Variants in BMS1 observed in about 807,000 individuals in gnomAD.
BMS1 encodes BMS1 ribosome biogenesis factor, also known as ribosome biogenesis protein BMS1 homolog.
A neutral mutation model predicts 138.7 loss-of-function variants in BMS1; 53 were observed. The ratio of observed to expected loss-of-function variants is 0.38; its 90% CI spans 0.31 to 0.48. BMS1 has a LOEUF of 0.48. Among genes scored for constraint, BMS1 ranks in the 20% least tolerant of loss-of-function variants. The pLI is 0.97. For synonymous variants in BMS1, 504 were observed against 539.9 expected, an observed-to-expected ratio of 0.93 and a Z score of 0.92; for missense variants, 1,360 against 1,565.5, an observed-to-expected ratio of 0.87 and a Z score of 2.22.
Position 42,823,050 on chromosome 10 carries a change from G to A in BMS1, c.3133-68G>A, listed in dbSNP as rs140824263. The A allele has an allele frequency of 3.0e-4, 403 of 1,321,742 alleles. 1 individual carries two copies. In the African/African-American group the frequency reaches 5.8e-3, roughly 19 times the overall value. 81.9% of individuals were successfully genotyped at this position (1,321,742 alleles called of 1,614,324 possible). On this transcript the variant is annotated intron_variant, in intron 19 of 22. Coordinates refer to ENST00000374518, the MANE Select transcript of BMS1 (RefSeq NM_014753.4). ...GTTCTTTAATCAAGGATGTATGTTT[G>A]AAGTAAGAAGTAAAGCATAAAGTAT...
intron 3 of BMS1, among the ~76,000 whole-genome samples, chr10:42,786,136 G>T (rs1251815025): frequency 6.6e-6 from 1 of 152,186 alleles, no homozygotes; most frequent in African/African-American, 2.4e-5. Context: ...CCTTGGAAGG[G>T]CCTAGCAGGC....
At chr10:42,808,425 A>T (rs1356652655) in intron 13 of BMS1, among the ~76,000 whole-genome samples, 1 of 151,608 alleles carries the variant, frequency 6.6e-6, no homozygotes, top group East Asian at 1.9e-4. Flanking sequence ...CAGCCTCCCG[A>T]GTAGCTGGGA....
At chr10:42,807,200 C>T (rs1842038167) in intron 13 of BMS1, among the ~76,000 whole-genome samples, 1 of 152,190 alleles carries the variant, frequency 6.6e-6, no homozygotes. Flanking sequence ...CTGCTGTTCC[C>T]CAGCCCCCAG....
intron 13 of BMS1, among the ~76,000 whole-genome samples, chr10:42,806,607 C>T (rs1452612958): frequency 2.0e-5 from 3 of 151,986 alleles, no homozygotes; most frequent in Non-Finnish European, 2.9e-5. Flanking sequence ...TGGTGGCACA[C>T]GCCCGTAATC....
chr10:42,801,009 C>T (rs1252196319), intron 12 of BMS1, among the ~76,000 whole-genome samples: 1 of 152,208 alleles, frequency 6.6e-6, no homozygotes, highest in Admixed American at 6.5e-5. Context: ...ACACCAGCTC[C>T]TGAGTCCTTA....
chr10:42,802,233 G>C lies in BMS1; in HGVS notation c.2329+15G>C, dbSNP rs367562413. The C allele has an allele frequency of 3.7e-5, 59 of 1,608,028 alleles. No individual in the cohort carries two copies. Among genetic ancestry groups the C allele is most frequent in the African/African-American group, 5.4e-5 (4 of 74,692 alleles). On this transcript the variant is annotated intron_variant, in intron 13 of 22. Transcript: ENST00000374518. ...AGCAGAAGATGGTAAGTAAAGAGCT[G>C]GGTTCTTCAGGAAGACTGGCTTCTC...
chr10:42,819,546 G>C (rs966631898), intron 15 of BMS1, among the ~76,000 whole-genome samples: 14 of 152,200 alleles, frequency 9.2e-5, no homozygotes, highest in Admixed American at 3.9e-4. Flanking sequence ...GTTTTGGAGT[G>C]AATCAGGAAA....
At chr10:42,829,232 A>C (rs1842736985) in intron 21 of BMS1, among the ~76,000 whole-genome samples, 1 of 152,126 alleles carries the variant, frequency 6.6e-6, no homozygotes, top group Non-Finnish European at 1.5e-5. Flanking sequence ...GAATGGCGTG[A>C]ACCCAGGGGC....
chr10:42,817,212 C>T (rs945664655), intron 14 of BMS1, 106 bp from the exon 15 acceptor site: 4 of 900,062 alleles, frequency 4.4e-6, no homozygotes, highest in South Asian at 1.7e-5. Context: ...ATAATGATAA[C>T]AGATTTTTGC....
At chr10:42,811,329 C>T (rs1219317954) in intron 13 of BMS1, among the ~76,000 whole-genome samples, 1 of 151,846 alleles carries the variant, frequency 6.6e-6, no homozygotes, top group African/African-American at 2.4e-5. Context: ...AGGCATGAGC[C>T]ACCACATCCG....
At chr10:42,787,328 G>A (rs763067853) in intron 4 of BMS1, 81 bp downstream of exon 4, 5 of 1,000,302 alleles carry the variant, frequency 5.0e-6, no homozygotes, top group Non-Finnish European at 7.8e-6. Flanking sequence ...ATGAAGGGAA[G>A]AGAGTCTTAT....
intron 21 of BMS1, among the ~76,000 whole-genome samples, chr10:42,829,083 A>G (rs1044313185): frequency 1.3e-5 from 2 of 152,204 alleles, no homozygotes; most frequent in Admixed American, 6.5e-5. Context: ...GCCTAGGGCA[A>G]AACTTTCAAT....
intron 11 of BMS1, among the ~76,000 whole-genome samples, chr10:42,797,727 C>T (rs1841734435): frequency 6.6e-6 from 1 of 152,178 alleles, no homozygotes; most frequent in Non-Finnish European, 1.5e-5. Context: ...TGCTGTAAAA[C>T]TTGATGCAAA....
intron 4 of BMS1, among the ~76,000 whole-genome samples, chr10:42,789,816 C>T (rs1841447253): frequency 6.6e-6 from 1 of 152,060 alleles, no homozygotes; most frequent in Non-Finnish European, 1.5e-5. Context: ...TCTTTGGATG[C>T]CAGAGACCTG....
chr10:42,795,141 A>ACC (rs1841638529), intron 9 of BMS1, among the ~76,000 whole-genome samples: 1 of 149,972 alleles, frequency 6.7e-6, no homozygotes, highest in Non-Finnish European at 1.5e-5. Context: ...TATGTGCCAC[A>ACC]TTTTCTTAAT....
At chr10:42,787,486 G>T (rs1467010805) in intron 4 of BMS1, among the ~76,000 whole-genome samples, 1 of 152,156 alleles carries the variant, frequency 6.6e-6, no homozygotes, top group African/African-American at 2.4e-5. Flanking sequence ...CAAATCACAG[G>T]ATGGAGAAAA....
chr10:42,791,282 T>C (rs1303241043), intron 5 of BMS1, among the ~76,000 whole-genome samples: 3 of 152,226 alleles, frequency 2.0e-5, no homozygotes, highest in Non-Finnish European at 4.4e-5. Context: ...CAGGACTTAA[T>C]AGAGTACCTC....
intron 13 of BMS1, among the ~76,000 whole-genome samples, chr10:42,815,869 G>C (rs1364066697): frequency 2.0e-5 from 3 of 152,192 alleles, no homozygotes; most frequent in African/African-American, 7.2e-5. Flanking sequence ...ATTTCCCCTA[G>C]GTGTGTTACA....
chr10:42,820,072 G>C (rs1232337152), intron 15 of BMS1, 164 bp from the exon 16 acceptor site: 1 of 423,482 alleles, frequency 2.4e-6, no homozygotes, highest in African/African-American at 2.2e-5. Flanking sequence ...GATTACAGGC[G>C]TGAGCCACTG....
Sources: gnomAD v4.1 joint callset for allele counts (sites outside exome capture counted in the v4.1 genomes callset) on GRCh38, gnomAD v4.1.1 for gene constraint, MANE v1.5 for transcripts, NCBI Gene and HGNC (gene_info 2026-07-23, HGNC 2026-07-21) for gene names.